MAD1L1: variants seen among roughly 807,000 people sequenced by gnomAD.
MAD1L1 encodes the protein mitotic spindle assembly checkpoint protein MAD1.
In MAD1L1, 95 loss-of-function variants were observed where a neutral mutation model predicts 96.9. That is an observed-to-expected ratio of 0.98 (90% CI 0.83 to 1.16). The LOEUF (loss-of-function observed/expected upper bound fraction) is 1.16, where lower values mean the gene tolerates loss of function less well. Ranked by LOEUF, MAD1L1 falls within the 50% of genes most tolerant of loss-of-function variation. MAD1L1 has a pLI of 0.00. For synonymous variants in MAD1L1, 473 were observed against 396.6 expected (o/e 1.19, Z -2.29); for missense variants, 1,007 against 954.4 (o/e 1.06, Z -0.73).
At chr7:1,854,282 G>C (rs932994905) in intron 18 of MAD1L1, 2 of 421,434 alleles carry the variant, frequency 4.7e-6, no homozygotes, top group African/African-American at 4.1e-5. Context: ...GGGAGTGGCT[G>C]AGACTGCCCC....
intron 11 of MAD1L1, among the ~76,000 whole-genome samples, chr7:2,134,494 C>T (rs1345948773): frequency 6.6e-6 from 1 of 152,206 alleles, no homozygotes; most frequent in African/African-American, 2.4e-5. Context: ...ATAGCTAGTA[C>T]TTCCAGTACG....
At position 2,110,447 on chromosome 7, in the gene MAD1L1, C is replaced by A. The variant is rs145376603; in HGVS notation, c.1073+38705G>T. On this transcript the variant is annotated intron_variant, in intron 11 of 18. Transcript: ENST00000265854. Reference sequence around the variant, plus strand: ...GGGCTGTGACTCGCACAGACACCTCCTCTCCTGTGAAGCATCTACTTCTAT... The same window carrying A: ...GGGCTGTGACTCGCACAGACACCTCATCTCCTGTGAAGCATCTACTTCTAT... Among the ~76,000 whole-genome samples, 284 of 152,370 alleles carry A rather than the reference C, an allele frequency of 1.9e-3. 1 individual carries two copies. Among genetic ancestry groups the A allele is most frequent in the Non-Finnish European group, 2.9e-3 (196 of 68,042 alleles).
intron 17 of MAD1L1, among the ~76,000 whole-genome samples, chr7:1,918,300 C>A (rs367893845): frequency 1.3e-5 from 2 of 152,202 alleles, no homozygotes; most frequent in Non-Finnish European, 2.9e-5. Flanking sequence ...TCAGCCCCAG[C>A]GCAGTCCCCT....
chr7:2,019,708 C>G (rs1239417315), intron 12 of MAD1L1, among the ~76,000 whole-genome samples: 1 of 151,290 alleles, frequency 6.6e-6, no homozygotes, highest in Non-Finnish European at 1.5e-5. Context: ...CCACGCAAGG[C>G]CACGCCTCAC....
chr7:2,079,105 G>A (rs774635957), intron 11 of MAD1L1, among the ~76,000 whole-genome samples: 12 of 152,246 alleles, frequency 7.9e-5, no homozygotes, highest in Non-Finnish European at 1.3e-4. Context: ...TCAAGTCCAC[G>A]TGGCCAGCTC....
At chr7:1,980,425 G>A (rs373571859) in intron 15 of MAD1L1, 28 bp downstream of exon 15, 134 of 1,592,782 alleles carry the variant, frequency 8.4e-5, no homozygotes, top group Middle Eastern at 5.0e-4. Context: ...ACACCTGGGC[G>A]TGTCCGCCTC....
chr7:1,948,193 C>A (rs1037618009), intron 16 of MAD1L1, among the ~76,000 whole-genome samples: 1 of 152,162 alleles, frequency 6.6e-6, no homozygotes, highest in Non-Finnish European at 1.5e-5. Flanking sequence ...CCCTCCAGCA[C>A]ACGCACCATG....
chr7:1,854,107 G>A (rs992811528), intron 18 of MAD1L1, among the ~76,000 whole-genome samples: 1 of 152,130 alleles, frequency 6.6e-6, no homozygotes, highest in Non-Finnish European at 1.5e-5. Flanking sequence ...CAGGCGTGGC[G>A]GAGGCCACAT....
At chr7:1,844,872 A>G (rs1479034370) in intron 18 of MAD1L1, among the ~76,000 whole-genome samples, 1 of 152,232 alleles carries the variant, frequency 6.6e-6, no homozygotes, top group Non-Finnish European at 1.5e-5. Context: ...CGAGTGGGAC[A>G]GGAAAGCCTG....
At chr7:2,109,110 C>T (rs1022561834) in intron 11 of MAD1L1, among the ~76,000 whole-genome samples, 3 of 152,248 alleles carry the variant, frequency 2.0e-5, no homozygotes, top group Admixed American at 6.5e-5. Flanking sequence ...GCACCCACTT[C>T]GGATTCCCAT....
At chr7:2,063,153 T>C (rs911814576) in intron 12 of MAD1L1, among the ~76,000 whole-genome samples, 5 of 152,138 alleles carry the variant, frequency 3.3e-5, no homozygotes, top group Admixed American at 6.6e-5. Flanking sequence ...TTCTTTGAGC[T>C]GTATGTATAT....
chr7:2,218,351 C>T (rs1180685132), intron 6 of MAD1L1, among the ~76,000 whole-genome samples: 1 of 152,232 alleles, frequency 6.6e-6, no homozygotes, highest in Non-Finnish European at 1.5e-5. Context: ...ACAGCTCTCA[C>T]CTGCCTGCGG....
chr7:1,978,071 C>T (rs1780728964), intron 15 of MAD1L1, among the ~76,000 whole-genome samples: 2 of 152,378 alleles, frequency 1.3e-5, no homozygotes, highest in Admixed American at 1.3e-4. Context: ...CACGGCCTCT[C>T]CCCCTGCGCC....
At chr7:1,868,016 G>A (rs955584141) in intron 18 of MAD1L1, among the ~76,000 whole-genome samples, 1 of 152,112 alleles carries the variant, frequency 6.6e-6, no homozygotes, top group African/African-American at 2.4e-5. Context: ...GCCCTGCCCT[G>A]CCCCACATGG....
intron 14 of MAD1L1, among the ~76,000 whole-genome samples, chr7:1,997,513 C>A (rs796737192): frequency 2.8e-4 from 43 of 152,396 alleles, no homozygotes; most frequent in African/African-American, 1.0e-3. Flanking sequence ...CTCCAGCCAT[C>A]CCAGCTCAGG....
intron 18 of MAD1L1, among the ~76,000 whole-genome samples, chr7:1,883,175 G>C (rs7791856): frequency 6.7e-6 from 1 of 150,138 alleles, no homozygotes; most frequent in African/African-American, 2.5e-5. Context: ...ACCAAACCTC[G>C]TGTCACAAAC....
At chr7:1,996,233 C>CT (rs1781552088) in intron 14 of MAD1L1, among the ~76,000 whole-genome samples, 22 of 24,224 alleles carry the variant, frequency 9.1e-4, no homozygotes, top group African/African-American at 1.7e-3. Context: ...CGGGCAGGGT[C>CT]CCCCCGGGTC....
intron 10 of MAD1L1, 111 bp from the exon 11 acceptor site, chr7:2,149,349 C>T: frequency 1.2e-6 from 1 of 854,270 alleles, no homozygotes; most frequent in Non-Finnish European, 2.0e-6. Context: ...GCTCTGGGAC[C>T]CAGGATGTGT....
Position 2,217,947 on chromosome 7 carries a change from C to A in MAD1L1, c.678+15G>T. 6.2e-7 allele frequency: 1 copy of A among 1,608,084 alleles called. No individual in the cohort carries two copies. The highest frequency in any genetic ancestry group is 2.2e-5 in the East Asian group (1 of 44,838). ...CACAGGGATGTCCACAAGGCACTGA[C>A]AGGGAGTGACTCACCTTAATCTGCT... On this transcript the variant is annotated intron_variant, in intron 7 of 18. Coordinates refer to ENST00000265854, the MANE Select transcript of MAD1L1 (RefSeq NM_001013836.2).
Sources: allele counts gnomAD v4.1 joint callset (sites outside exome capture counted in the v4.1 genomes callset), GRCh38; gene constraint gnomAD v4.1.1; transcripts MANE v1.5; gene names NCBI Gene and HGNC (gene_info 2026-07-23, HGNC 2026-07-21).